The following BEND7 variants were observed in gnomAD, a reference collection of about 807,000 sequenced individuals.
BEND7 encodes the protein BEN domain-containing protein 7.
BEND7 carries 28 observed loss-of-function variants against 50.9 expected under a neutral mutation model. The ratio of observed to expected loss-of-function variants is 0.55; its 90% CI spans 0.41 to 0.75. The LOEUF (loss-of-function observed/expected upper bound fraction) is 0.75. Ranked by LOEUF, BEND7 falls within the 30% of genes least tolerant of loss-of-function variation. The pLI is 0.00. For synonymous variants in BEND7, 170 were observed against 183.9 expected (o/e 0.92, Z 0.61); for missense variants, 477 against 491.3 (o/e 0.97, Z 0.28).
chr10:13,471,615 C>G (rs962608769), intron 6 of BEND7, among the ~76,000 whole-genome samples: 1 of 152,254 alleles, frequency 6.6e-6, no homozygotes, highest in African/African-American at 2.4e-5. Flanking sequence ...CTGTCTAGTC[C>G]TGGTGAGGCA....
At chr10:13,501,565 T>G (rs2077467490) in intron 2 of BEND7, among the ~76,000 whole-genome samples, 1 of 151,530 alleles carries the variant, frequency 6.6e-6, no homozygotes, top group Non-Finnish European at 1.5e-5. Flanking sequence ...CTTAGGCCAC[T>G]GTTGGGCATG....
chr10:13,522,623 G>A (rs969011163), intron 2 of BEND7, among the ~76,000 whole-genome samples: 3 of 152,208 alleles, frequency 2.0e-5, no homozygotes, highest in Non-Finnish European at 4.4e-5. Flanking sequence ...CTTCTCCAGG[G>A]AGGAGAAATA....
At chr10:13,459,067 C>A in intron 6 of BEND7, among the ~76,000 whole-genome samples, 1 of 152,292 alleles carries the variant, frequency 6.6e-6, no homozygotes, top group South Asian at 2.1e-4. Context: ...AAATGACTTA[C>A]GTTTACAGTT....
Position 13,500,047 on chromosome 10 carries a change from G to C in BEND7, c.179C>G (p.Thr60Arg). 1 of 1,599,012 alleles carries C rather than the reference G, an allele frequency of 6.3e-7. No individual in the cohort carries two copies. The highest frequency in any genetic ancestry group is 1.1e-5 in the South Asian group (1 of 90,388). ...GTCGTTCAGCAATCTTCTCATCCCT[G>C]TAATTTGCTTTTTTATTTCCATGCT... ...DESMEIKKQI[T>R]GMRRLLNDST... The change falls in exon 3 of 9, where the codon ACA (threonine) becomes AGA (arginine). Residue 60 changes from threonine to arginine, a missense_variant. Around this residue, in one of 3 missense-constraint regions of BEND7, gnomAD observed 396 missense variants for 384.2 expected, o/e 1.03. Coordinates refer to ENST00000466271, the MANE Select transcript of BEND7 (RefSeq NM_001369863.1).
rs542462990 is a variant in BEND7 at position 13,494,646 on chromosome 10, C to T, written c.572-1770G>A. 9.2e-5 allele frequency among the ~76,000 whole-genome samples: 14 copies of T among 152,318 alleles called. 1 individual carries two copies. The East Asian group carries it at 2.5e-3, about 27-fold the overall frequency. ...TCAAAGGGACCTCGAATAATGATCA[C>T]GATGGTCTAGGCCCCAGGCCTTGCT... On this transcript the variant is annotated intron_variant, in intron 4 of 8. Coordinates refer to ENST00000466271, the MANE Select transcript of BEND7 (RefSeq NM_001369863.1).
downstream of BEND7, among the ~76,000 whole-genome samples, chr10:13,439,869 T>G (rs1355422134): frequency 6.6e-6 from 1 of 152,254 alleles, no homozygotes; most frequent in East Asian, 1.9e-4. Flanking sequence ...CCCCTCGGCA[T>G]GGCGCAAGGC....
intron 6 of BEND7, among the ~76,000 whole-genome samples, chr10:13,460,464 T>G (rs914367957): frequency 6.6e-6 from 1 of 152,224 alleles, no homozygotes; most frequent in Non-Finnish European, 1.5e-5. Flanking sequence ...GGGGTCTCAC[T>G]ATGTTGCCCA....
chr10:13,504,957 G>C lies in BEND7; in HGVS notation c.146-4877C>G, dbSNP rs1051649012. On this transcript the variant is annotated intron_variant, in intron 2 of 8. Coordinates refer to ENST00000466271, the MANE Select transcript of BEND7 (RefSeq NM_001369863.1). ...ATCTGATACATGTGAGGGCAACACA[G>C]AAGTCAACACACAAGGTTGCCCTTA... Among the ~76,000 whole-genome samples, 14 of 152,274 alleles carry C rather than the reference G, an allele frequency of 9.2e-5. No individual in the cohort carries two copies. In the East Asian group the frequency reaches 2.5e-3, roughly 27 times the overall value.
At chr10:13,488,735 C>T (rs1432467135) in intron 5 of BEND7, among the ~76,000 whole-genome samples, 3 of 152,224 alleles carry the variant, frequency 2.0e-5, no homozygotes, top group African/African-American at 7.2e-5. Flanking sequence ...GATCCGCCCG[C>T]CTTGGCCTCC....
At chr10:13,447,397 T>A (rs1197500997) in intron 7 of BEND7, 81 bp from the exon 8 acceptor site, 2 of 1,442,184 alleles carry the variant, frequency 1.4e-6, no homozygotes, top group South Asian at 1.2e-5. Context: ...GATGTAATTT[T>A]AAAAACTCCA....
At chr10:13,513,507 G>C (rs1267492140) in intron 2 of BEND7, among the ~76,000 whole-genome samples, 1 of 152,146 alleles carries the variant, frequency 6.6e-6, no homozygotes, top group Non-Finnish European at 1.5e-5. Flanking sequence ...TCAGCTGTCT[G>C]AGCCAAAAAC....
At chr10:13,508,140 G>T (rs1435310504) in intron 2 of BEND7, among the ~76,000 whole-genome samples, 1 of 152,166 alleles carries the variant, frequency 6.6e-6, no homozygotes, top group Non-Finnish European at 1.5e-5. Flanking sequence ...TGTGCTTTGA[G>T]GACCTGAGGC....
At chr10:13,477,117 A>G (rs181768127) in intron 6 of BEND7, among the ~76,000 whole-genome samples, 8 of 152,266 alleles carry the variant, frequency 5.3e-5, no homozygotes, top group Admixed American at 5.2e-4. Context: ...TCCTACTTAT[A>G]AGCATTTTAT....
chr10:13,500,799 G>T (rs1381477957), intron 2 of BEND7: 2 of 985,292 alleles, frequency 2.0e-6, no homozygotes, highest in African/African-American at 3.5e-5. Context: ...TGACCGAGGG[G>T]TCCCTGCCAC....
intron 5 of BEND7, among the ~76,000 whole-genome samples, chr10:13,485,696 T>A (rs1212017784): frequency 6.6e-6 from 1 of 152,236 alleles, no homozygotes; most frequent in Non-Finnish European, 1.5e-5. Flanking sequence ...AGATGTATTT[T>A]GAGGAAAATG....
intron 2 of BEND7, among the ~76,000 whole-genome samples, chr10:13,524,539 G>A (rs971429436): frequency 6.6e-6 from 1 of 151,436 alleles, no homozygotes; most frequent in East Asian, 1.9e-4. Context: ...AGCTACTCAG[G>A]AGGCTGAGGC....
At position 13,465,874 on chromosome 10, in the gene BEND7, C is replaced by T. The variant is rs2074195001; in HGVS notation, c.1064-13216G>A. On this transcript the variant is annotated intron_variant, in intron 6 of 8. Coordinates refer to ENST00000466271, the MANE Select transcript of BEND7 (RefSeq NM_001369863.1). Reference sequence around the variant, plus strand: ...CACCGATTTGAGGCCACAGCTATCTCTCTCTCTCTCGTGTGTGTGTGTGTG... The same window carrying T: ...CACCGATTTGAGGCCACAGCTATCTTTCTCTCTCTCGTGTGTGTGTGTGTG... Among the ~76,000 whole-genome samples, 3 of 79,184 alleles carry T rather than the reference C, an allele frequency of 3.8e-5. No homozygotes were observed. The South Asian group carries it at 1.9e-3, about 49-fold the overall frequency. The allele number at this position is 79,184 out of a possible 152,430, so 51.9% of individuals were successfully genotyped here. A position where few individuals can be genotyped will look rare whatever the true frequency, so the allele number is the denominator to read the frequency against.
chr10:13,520,486 T>C (rs1016521679), intron 2 of BEND7, among the ~76,000 whole-genome samples: 3 of 151,976 alleles, frequency 2.0e-5, no homozygotes, highest in Admixed American at 6.6e-5. Flanking sequence ...GTGAAGGGCT[T>C]TGCCTTGATT....
At chr10:13,481,190 G>T in intron 5 of BEND7, 66 bp from the exon 6 acceptor site, 1 of 1,481,538 alleles carries the variant, frequency 6.7e-7, no homozygotes. Flanking sequence ...GGGTACATGA[G>T]CAACAAAAAA....
Sources: gnomAD v4.1 joint callset for allele counts (sites outside exome capture counted in the v4.1 genomes callset) on GRCh38, gnomAD v4.1.1 for gene constraint, gnomAD v4.1.1 regional missense constraint, MANE v1.5 for transcripts, NCBI Gene and HGNC (gene_info 2026-07-23, HGNC 2026-07-21) for gene names.